DMXL1: variants seen among roughly 807,000 people sequenced by gnomAD.
DMXL1 encodes dmX-like protein 1.
In DMXL1, 99 loss-of-function variants were observed where a neutral mutation model predicts 319.2. The observed-to-expected ratio is 0.31, with a 90% CI of 0.26 to 0.37. The LOEUF is 0.37. Among genes scored for constraint, DMXL1 ranks in the 10% least tolerant of loss-of-function variants. The pLI is 1.00. For missense variants in DMXL1, 3,745 were observed against 3,595.6 expected, an observed-to-expected ratio of 1.04 and a Z score of -1.06; for synonymous variants, 1,385 against 1,235.2, an observed-to-expected ratio of 1.12 and a Z score of -2.54.
intron 26 of DMXL1, 41 bp from the exon 27 acceptor site, chr5:119,177,316 T>C (rs1775991648): frequency 7.4e-7 from 1 of 1,343,862 alleles, no homozygotes; most frequent in African/African-American, 1.5e-5. Flanking sequence ...AAATATTATA[T>C]AAAATTTATC....
intron 4 of DMXL1, among the ~76,000 whole-genome samples, chr5:119,106,570 C>T (rs1206776349): frequency 6.6e-6 from 1 of 151,958 alleles, no homozygotes; most frequent in Non-Finnish European, 1.5e-5. Flanking sequence ...TAAAGTCATG[C>T]TAAAAATTTG....
At chr5:119,097,778 G>C (rs1756324627) in intron 1 of DMXL1, among the ~76,000 whole-genome samples, 1 of 152,066 alleles carries the variant, frequency 6.6e-6, no homozygotes, top group African/African-American at 2.4e-5. Flanking sequence ...AGAAAGGACT[G>C]ACAGAATTTG....
In DMXL1 at chr5:119,203,457, G is replaced by A. The variant is rs181375447; in HGVS notation, c.7863+21G>A. On this transcript the variant is annotated intron_variant, in intron 33 of 43. Transcript: ENST00000539542. ...ATGAGGTCTGTATAAGTTAAAACCT[G>A]TTTACTATTTTATTATTGAAGTCTT... 2.9e-6 allele frequency: 4 copies of A among 1,386,570 alleles called. No homozygotes were observed. In the South Asian group the frequency reaches 3.9e-5, roughly 14 times the overall value. The allele number at this position is 1,386,570 out of a possible 1,614,324, so 85.9% of individuals were successfully genotyped here.
chr5:119,133,576 G>C lies in DMXL1; in HGVS notation c.1652G>C (p.Cys551Ser), dbSNP rs376518797. 2.4e-5 allele frequency: 39 copies of C among 1,614,026 alleles called. No individual in the cohort carries two copies. In the African/African-American group the frequency reaches 2.8e-4, roughly 12 times the overall value. Residue 551 changes from cysteine to serine, a missense_variant, in exon 12 of 44, where the codon TGT becomes TCT. Physicochemically the swap from Cys to Ser is moderately radical, Grantham distance 112. This residue lies in a region of DMXL1 where 2,096 missense variants were observed against 1,985.4 expected (regional missense o/e 1.06). Transcript: ENST00000539542. ...SLCKSIMMYA[C>S]TKNVDLAIQQ... is the part of the protein sequence containing the mutation. ...TGTAAAAGCATAATGATGTATGCCT[G>C]TACCAAGAATGTTGACTTGGCTATT...
chr5:119,148,487 T>C (rs1241375293), intron 17 of DMXL1, among the ~76,000 whole-genome samples: 10 of 152,160 alleles, frequency 6.6e-5, no homozygotes, highest in African/African-American at 2.4e-4. Flanking sequence ...CTCTAGGTTT[T>C]GGTGATACTT....
At chr5:119,081,982 G>T (rs1402298157) in intron 1 of DMXL1, among the ~76,000 whole-genome samples, 3 of 120,650 alleles carry the variant, frequency 2.5e-5, no homozygotes, top group African/African-American at 3.0e-5. Flanking sequence ...TTTCCCAGAG[G>T]AAGTTTTCTT....
At chr5:119,075,389 A>G (rs1354380924) in intron 1 of DMXL1, among the ~76,000 whole-genome samples, 4 of 151,776 alleles carry the variant, frequency 2.6e-5, no homozygotes, top group Non-Finnish European at 5.9e-5. Flanking sequence ...ACAGGCGCAC[A>G]CCACCACGCC....
At chr5:119,156,509 G>A (rs1771102092) in intron 19 of DMXL1, among the ~76,000 whole-genome samples, 1 of 152,066 alleles carries the variant, frequency 6.6e-6, no homozygotes, top group Admixed American at 6.5e-5. Context: ...TGGATACTTA[G>A]GTTGAATTGA....
rs564675904 is a variant in DMXL1 at position 119,085,817 on chromosome 5, G to T, written c.88-12162G>T. On this transcript the variant is annotated intron_variant, in intron 1 of 43. Coordinates refer to ENST00000539542, the MANE Select transcript of DMXL1 (RefSeq NM_001290321.3). ...CCTATTTAGAATGACGTTAGCTATG[G>T]GTTTTTCATAAATAATCTTTATTAT... is the stretch of plus-strand genomic sequence containing the variant. Among the ~76,000 whole-genome samples the T allele has an allele frequency of 1.8e-4, 28 of 152,124 alleles. 1 individual carries two copies. The highest frequency in any genetic ancestry group is 6.5e-4 in the African/African-American group (27 of 41,510).
chr5:119,085,237 G>A (rs574262743), intron 1 of DMXL1, among the ~76,000 whole-genome samples: 104 of 151,928 alleles, frequency 6.8e-4, no homozygotes, highest in Middle Eastern at 3.4e-3. Flanking sequence ...AGACTGAGGC[G>A]TGAGAATCGC....
At chr5:119,092,106 G>T (rs1482103451) in intron 1 of DMXL1, among the ~76,000 whole-genome samples, 1 of 152,114 alleles carries the variant, frequency 6.6e-6, no homozygotes, top group Non-Finnish European at 1.5e-5. Flanking sequence ...AGAATTGGGG[G>T]AGGGGTGTTG....
chr5:119,180,088 C>A (rs1776519287), intron 28 of DMXL1, among the ~76,000 whole-genome samples: 2 of 152,110 alleles, frequency 1.3e-5, no homozygotes, highest in South Asian at 4.1e-4. Context: ...AATTTGCCAA[C>A]CCCTGCTTTA....
intron 9 of DMXL1, among the ~76,000 whole-genome samples, chr5:119,123,096 C>G (rs892189172): frequency 6.6e-6 from 1 of 152,122 alleles, no homozygotes; most frequent in Non-Finnish European, 1.5e-5. Context: ...TGGTTAGGAG[C>G]TGGAGACCGG....
intron 9 of DMXL1, 129 bp from the exon 10 acceptor site, chr5:119,129,076 ATAAAAT>A (rs1435468744): frequency 3.1e-6 from 2 of 638,220 alleles, no homozygotes; most frequent in African/African-American, 1.9e-5. Flanking sequence ...AAATCTCAAA[ATAAAAT>A]TAAAAAGTGA....
chr5:119,192,215 C>T (rs1370093011), intron 29 of DMXL1, among the ~76,000 whole-genome samples: 1 of 152,222 alleles, frequency 6.6e-6, no homozygotes, highest in East Asian at 1.9e-4. Context: ...AGATCAATTA[C>T]ATTTGCTCCT....
At chr5:119,086,270 C>T (rs540921250) in intron 1 of DMXL1, among the ~76,000 whole-genome samples, 21 of 152,264 alleles carry the variant, frequency 1.4e-4, no homozygotes, top group African/African-American at 5.1e-4. Flanking sequence ...TCAATTATCT[C>T]CCACCTGGTC....
chr5:119,121,382 A>G (rs565579644), intron 9 of DMXL1, among the ~76,000 whole-genome samples: 1 of 151,968 alleles, frequency 6.6e-6, no homozygotes, highest in Non-Finnish European at 1.5e-5. Flanking sequence ...CAGCAGATCA[A>G]CAAGTGAACA....
chr5:119,177,958 T>G (rs746548006), intron 27 of DMXL1, 38 bp from the exon 28 acceptor site: 2 of 1,523,348 alleles, frequency 1.3e-6, no homozygotes, highest in East Asian at 2.3e-5. Flanking sequence ...TTTTAAAAAT[T>G]TATAGTCAGT....
chr5:119,186,059 G>GC (rs1392652725), intron 28 of DMXL1, among the ~76,000 whole-genome samples: 1 of 152,178 alleles, frequency 6.6e-6, no homozygotes, highest in Non-Finnish European at 1.5e-5. Context: ...CTTGCTGAAA[G>GC]CAAGAAATAA....
Sources: allele counts gnomAD v4.1 joint callset (sites outside exome capture counted in the v4.1 genomes callset), GRCh38; gene constraint gnomAD v4.1.1; regional missense constraint gnomAD v4.1.1; transcripts MANE v1.5; gene names NCBI Gene and HGNC (gene_info 2026-07-23, HGNC 2026-07-21).